Variants in NID1 observed in about 807,000 individuals in gnomAD.
NID1 encodes nidogen-1.
In NID1, 76 loss-of-function variants were observed where a neutral mutation model predicts 130.6. That is an observed-to-expected ratio of 0.58 (90% CI 0.48 to 0.70). The LOEUF (loss-of-function observed/expected upper bound fraction) is 0.70. Ranked by LOEUF, NID1 falls within the 30% of genes least tolerant of loss-of-function variation. The pLI, the probability that NID1 is intolerant of heterozygous loss-of-function variation, is 0.00. For synonymous variants in NID1, 665 were observed against 675.1 expected (o/e 0.98, Z 0.23); for missense variants, 1,517 against 1,664.8 (o/e 0.91, Z 1.54).
At chr1:235,984,194 A>G (rs1214313603) in intron 15 of NID1, among the ~76,000 whole-genome samples, 3 of 152,204 alleles carry the variant, frequency 2.0e-5, no homozygotes, top group Non-Finnish European at 4.4e-5. Flanking sequence ...TTAAAATGAA[A>G]TCATAGATAA....
chr1:236,051,539 G>A (rs1659763921), intron 1 of NID1, among the ~76,000 whole-genome samples: 1 of 152,148 alleles, frequency 6.6e-6, no homozygotes, highest in Admixed American at 6.5e-5. Flanking sequence ...CTCTTTGGGT[G>A]ACATATTTTC....
rs146138186 is a variant in NID1 at position 235,992,775 on chromosome 1, T to C, written c.2755+870A>G. 9.2e-5 allele frequency among the ~76,000 whole-genome samples: 14 copies of C among 152,374 alleles called. No individual in the cohort carries two copies. The East Asian group carries it at 2.7e-3, about 29-fold the overall frequency. ...TGAAGTTTCTGAGTAATTGTTTTAC[T>C]GTTTCTTAGCAGCTTCGGGGAAATA... On this transcript the variant is annotated intron_variant, in intron 13 of 19. Transcript: ENST00000264187.
chr1:235,985,473 G>A lies in NID1; in HGVS notation c.2961C>T (p.Cys987=), dbSNP rs376032842. The A allele has an allele frequency of 9.9e-6, 16 of 1,613,932 alleles. No homozygotes were observed. Among genetic ancestry groups the A allele is most frequent in the East Asian group, 4.5e-5 (2 of 44,888 alleles). The change falls in exon 15 of 20, where the codon TGC becomes TGT. Residue 987 remains cysteine, a synonymous_variant. Transcript: ENST00000264187. ...AKVIIGLAFD[C]VDKMVYWTDI... The stretch of plus-strand genomic sequence containing the variant: ...CCGTCCAGTAAACCATCTTGTCCAC[G>A]CAGTCAAAGGCCAGTCCAATGATGA...
intron 7 of NID1, among the ~76,000 whole-genome samples, chr1:236,029,003 C>T (rs1453666749): frequency 5.9e-5 from 9 of 151,996 alleles, no homozygotes; most frequent in Non-Finnish European, 1.2e-4. Flanking sequence ...ATAATGAAAG[C>T]CCATCTCTAC....
chr1:236,041,364 C>T (rs1161319964), intron 4 of NID1, among the ~76,000 whole-genome samples: 1 of 152,074 alleles, frequency 6.6e-6, no homozygotes, highest in African/African-American at 2.4e-5. Context: ...CCACCCCCGA[C>T]CCTATTTTTT....
chr1:236,016,811 A>G (rs1030451333), intron 10 of NID1, among the ~76,000 whole-genome samples: 10 of 150,362 alleles, frequency 6.7e-5, no homozygotes, highest in African/African-American at 1.5e-4. Flanking sequence ...CCCCAAGGCT[A>G]CTAATTACTG....
At position 236,006,850 on chromosome 1, in the gene NID1, G is replaced by A. The variant is rs527725168; in HGVS notation, c.2527+5071C>T. ...TGAACTACATATTGCTTGCATCTATGTTTTATTTTTACAATATAAAGATAG... is the reference window on the plus strand; with the variant it reads ...TGAACTACATATTGCTTGCATCTATATTTTATTTTTACAATATAAAGATAG... On this transcript the variant is annotated intron_variant, in intron 12 of 19. Transcript: ENST00000264187. Among the ~76,000 whole-genome samples, 5 of 152,114 alleles carry A rather than the reference G, an allele frequency of 3.3e-5. No homozygotes were observed. The South Asian group carries it at 1.0e-3, about 32-fold the overall frequency.
At position 235,980,479 on chromosome 1, in the gene NID1, GTCCAGCTT is replaced by G; in HGVS notation, c.3385+9_3385+16del. On this transcript the variant is annotated intron_variant, in intron 17 of 19. Coordinates refer to ENST00000264187, the MANE Select transcript of NID1 (RefSeq NM_002508.3). ...GAGATTGAGACCCGCCCTGGACAGT[GTCCAGCTT>G]TCCATCACCTGCATCCACCCAGCAG... The G allele has an allele frequency of 6.2e-7, 1 of 1,613,828 alleles. No homozygotes were observed. The highest frequency in any genetic ancestry group is 1.1e-5 in the South Asian group (1 of 91,064).
Position 235,977,641 on chromosome 1 carries a change from A to C in NID1, c.*226T>G. ...ATAAGTCTGTCTGAGGGTTGGGGGT[A>C]GGGGTGGAGGGTTCTGTCCTTGTGT... On this transcript the variant is annotated 3_prime_UTR_variant, in exon 20 of 20. Coordinates refer to ENST00000264187, the MANE Select transcript of NID1 (RefSeq NM_002508.3). The C allele has an allele frequency of 2.0e-6, 1 of 505,654 alleles. No individual in the cohort carries two copies. Among genetic ancestry groups the C allele is most frequent in the Non-Finnish European group, 3.6e-6 (1 of 279,842 alleles). 31.3% of individuals were successfully genotyped at this position (505,654 alleles called of 1,614,324 possible).
At chr1:235,994,794 T>A (rs1374584774) in intron 12 of NID1, among the ~76,000 whole-genome samples, 1 of 152,100 alleles carries the variant, frequency 6.6e-6, no homozygotes, top group Non-Finnish European at 1.5e-5. Context: ...CCTCCCAGGT[T>A]CAAGCGATTC....
intron 4 of NID1, 42 bp downstream of exon 4, chr1:236,041,868 C>T (rs755288252): frequency 1.0e-5 from 16 of 1,562,912 alleles, no homozygotes; most frequent in Admixed American, 5.5e-5. Context: ...TGGAAGCCCA[C>T]ACATCCAAGA....
At chr1:235,991,194 G>C (rs1657728653) in intron 13 of NID1, 136 bp from the exon 14 acceptor site, 2 of 680,508 alleles carry the variant, frequency 2.9e-6, no homozygotes, top group South Asian at 4.8e-5. Context: ...TCACCTTCAT[G>C]GCACCACAAA....
chr1:236,024,699 A>G (rs951121551), intron 8 of NID1, among the ~76,000 whole-genome samples: 9 of 152,338 alleles, frequency 5.9e-5, no homozygotes, highest in South Asian at 2.1e-4. Context: ...GACAACCGAA[A>G]AAAGGGAAAG....
intron 14 of NID1, 120 bp downstream of exon 14, chr1:235,990,766 T>C: frequency 1.3e-6 from 1 of 770,138 alleles, no homozygotes; most frequent in Non-Finnish European, 1.8e-6. Flanking sequence ...CAGGACTACA[T>C]GGAATGAGCA....
chr1:236,047,852 C>T (rs1659650388), intron 2 of NID1, among the ~76,000 whole-genome samples: 1 of 150,446 alleles, frequency 6.6e-6, no homozygotes, highest in Non-Finnish European at 1.5e-5. Context: ...TGTGGTGAAA[C>T]CCCATCTCTA....
At position 236,032,428 on chromosome 1, in the gene NID1, C is replaced by T. The variant is rs78916782; in HGVS notation, c.1510G>A (p.Gly504Arg). The T allele has an allele frequency of 1.5e-3, 2,376 of 1,614,002 alleles. 71 individuals are homozygous for T. The East Asian group carries it at 0.044, about 30-fold the overall frequency. Residue 504 changes from glycine to arginine, a missense_variant, in exon 6 of 20, where the codon GGA becomes AGA. Gly to Arg is a moderately radical substitution (Grantham distance 125). Around this residue, in one of 3 missense-constraint regions of NID1, gnomAD observed 1,329 missense variants for 1,429.2 expected, o/e 0.93. Transcript: ENST00000264187. ...IGWMFAVEQD[G>R]FKNGFSITGG... ...GTGATGCTGAACCCATTCTTGAATC[C>T]GTCCTGCTCCACTGCAAACATCCAT... is the stretch of plus-strand genomic sequence containing the variant.
intron 7 of NID1, among the ~76,000 whole-genome samples, chr1:236,028,240 C>T (rs1392175241): frequency 2.6e-5 from 4 of 152,140 alleles, no homozygotes; most frequent in Non-Finnish European, 5.9e-5. Context: ...TAAACATTCA[C>T]GATTTGACAT....
intron 9 of NID1, among the ~76,000 whole-genome samples, chr1:236,018,448 C>A (rs1276933433): frequency 1.3e-5 from 2 of 152,218 alleles, no homozygotes; most frequent in Admixed American, 6.5e-5. Flanking sequence ...ATGAATTTGG[C>A]TAACTCTGGG....
intron 14 of NID1, among the ~76,000 whole-genome samples, chr1:235,988,620 A>G (rs1657636730): frequency 6.6e-6 from 1 of 152,250 alleles, no homozygotes; most frequent in Middle Eastern, 3.2e-3. Flanking sequence ...CAGAAGGTGG[A>G]AGCAACTGCT....
Sources: allele counts gnomAD v4.1 joint callset (sites outside exome capture counted in the v4.1 genomes callset), GRCh38; gene constraint gnomAD v4.1.1; regional missense constraint gnomAD v4.1.1; transcripts MANE v1.5; gene names NCBI Gene and HGNC (gene_info 2026-07-23, HGNC 2026-07-21).